Variants in GRM7 observed in about 807,000 individuals in gnomAD.
GRM7 encodes glutamate metabotropic receptor 7.
In GRM7, 35 loss-of-function variants were observed where a neutral mutation model predicts 84.5. The observed-to-expected ratio is 0.41, with a 90% CI of 0.32 to 0.55. GRM7 has a LOEUF of 0.55. Ranked by LOEUF, GRM7 falls within the 20% of genes least tolerant of loss-of-function variation. The pLI is 0.19. For synonymous variants in GRM7, 487 were observed against 455.1 expected (o/e 1.07, Z -0.89); for missense variants, 1,003 against 1,194.6 (o/e 0.84, Z 2.36).
rs1273780642 is a variant in GRM7, at chr3:7,486,725, T to C, written c.1515+25003T>C. ...AATGATGAGACAAATAAGGCTGTTTTTTAAAATAATTTATGCAGCCTCAGG... is the reference window on the plus strand; with the variant it reads ...AATGATGAGACAAATAAGGCTGTTTCTTAAAATAATTTATGCAGCCTCAGG... On this transcript the variant is annotated intron_variant, in intron 7 of 9. Coordinates refer to ENST00000357716, the MANE Select transcript of GRM7 (RefSeq NM_000844.4). This position sits in a 1 kb window ranked among gnomAD's most constrained non-coding sequence, Gnocchi z 5.5. Among the ~76,000 whole-genome samples, 1 of 152,172 alleles carries C rather than the reference T, an allele frequency of 6.6e-6. No individual in the cohort carries two copies. Among genetic ancestry groups the C allele is most frequent in the East Asian group, 1.9e-4 (1 of 5,196 alleles).
intron 2 of GRM7, among the ~76,000 whole-genome samples, chr3:7,291,074 T>G (rs1371433344): frequency 6.6e-6 from 1 of 152,024 alleles, no homozygotes; most frequent in Non-Finnish European, 1.5e-5. Flanking sequence ...AGCCACACCC[T>G]CTTCCCAGCA....
intron 4 of GRM7, among the ~76,000 whole-genome samples, chr3:7,378,969 GC>G (rs750241412): frequency 1.1e-4 from 17 of 152,246 alleles, no homozygotes; most frequent in Non-Finnish European, 2.4e-4. Context: ...ACACTATCCA[GC>G]CCATTATCAA....
intron 8 of GRM7, chr3:7,607,573 A>G (rs1008984798): frequency 2.0e-5 from 3 of 152,100 alleles, no homozygotes; most frequent in Non-Finnish European, 2.9e-5. Context: ...CCCTAAGTCT[A>G]GGCTCAACCA....
intron 1 of GRM7, among the ~76,000 whole-genome samples, chr3:6,970,637 T>A (rs1360013292): frequency 6.6e-6 from 1 of 151,992 alleles, no homozygotes; most frequent in African/African-American, 2.4e-5. Context: ...CTTGACTGTA[T>A]GAGAGGGAAA....
At chr3:7,232,643 C>T (rs1697230744) in intron 2 of GRM7, among the ~76,000 whole-genome samples, 1 of 152,162 alleles carries the variant, frequency 6.6e-6, no homozygotes, top group Non-Finnish European at 1.5e-5. Context: ...GGCTTTTTCA[C>T]ATTTTGGGAC....
intron 1 of GRM7, among the ~76,000 whole-genome samples, chr3:6,921,488 A>C (rs1418162467): frequency 1.3e-5 from 2 of 152,134 alleles, no homozygotes; most frequent in Non-Finnish European, 2.9e-5. Context: ...TAGAATTTCA[A>C]AGAGCTTACA....
At chr3:7,277,121 G>A (rs866501658) in intron 2 of GRM7, among the ~76,000 whole-genome samples, 22 of 152,036 alleles carry the variant, frequency 1.4e-4, no homozygotes, top group African/African-American at 5.1e-4. Flanking sequence ...TTGGAGATAC[G>A]TGGGAACTCA....
chr3:6,972,062 C>T (rs1042702381), intron 1 of GRM7, among the ~76,000 whole-genome samples: 2 of 152,044 alleles, frequency 1.3e-5, no homozygotes, highest in African/African-American at 4.8e-5. Context: ...TTATTATTTT[C>T]TCTGTTTTGC....
intron 7 of GRM7, among the ~76,000 whole-genome samples, chr3:7,491,870 G>A (rs563473196): frequency 6.6e-6 from 1 of 152,278 alleles, no homozygotes; most frequent in African/African-American, 2.4e-5. Context: ...CACAGATTCT[G>A]CTACATATAT....
chr3:7,616,742 C>A (rs1456434188), intron 8 of GRM7, among the ~76,000 whole-genome samples: 1 of 151,892 alleles, frequency 6.6e-6, no homozygotes, highest in Non-Finnish European at 1.5e-5. Context: ...AATGGAAAAT[C>A]CTAAAATTAC....
At chr3:7,057,566 T>C (rs370327751) in intron 1 of GRM7, among the ~76,000 whole-genome samples, 1 of 152,088 alleles carries the variant, frequency 6.6e-6, no homozygotes, top group East Asian at 1.9e-4. Context: ...AAAATTGAAT[T>C]GTGGCAAATC....
At chr3:7,153,521 T>A (rs890023330) in intron 2 of GRM7, among the ~76,000 whole-genome samples, 7 of 152,160 alleles carry the variant, frequency 4.6e-5, no homozygotes, top group African/African-American at 1.7e-4. Flanking sequence ...GTTTAATAAA[T>A]GCATGTTGAA....
At chr3:7,280,226 C>A (rs569532498) in intron 2 of GRM7, among the ~76,000 whole-genome samples, 2 of 152,274 alleles carry the variant, frequency 1.3e-5, no homozygotes, top group South Asian at 4.1e-4. Flanking sequence ...TAAAAGGTAG[C>A]ATGTTGAGCT....
At chr3:7,506,904 G>T (rs201109032) in intron 7 of GRM7, among the ~76,000 whole-genome samples, 1 of 152,008 alleles carries the variant, frequency 6.6e-6, no homozygotes, top group African/African-American at 2.4e-5. Context: ...AGCTTTTGGG[G>T]GAAACATTCA....
intron 4 of GRM7, among the ~76,000 whole-genome samples, chr3:7,346,869 G>A (rs990437327): frequency 6.6e-6 from 1 of 152,056 alleles, no homozygotes; most frequent in Admixed American, 6.6e-5. Context: ...AATACCATAA[G>A]TCTTACCACA....
chr3:6,865,660 CT>C lies in GRM7; in HGVS notation c.519+3756del, dbSNP rs1694914069. On this transcript the variant is annotated intron_variant, in intron 1 of 9. Coordinates refer to ENST00000357716, the MANE Select transcript of GRM7 (RefSeq NM_000844.4). ...TGGACCTTGTATCATAAATGAAATG[CT>C]TTAGTAAATGTGTCAATGTTTTCCT... Among the ~76,000 whole-genome samples the C allele has an allele frequency of 2.0e-5, 3 of 151,768 alleles. No individual in the cohort carries two copies. The South Asian group carries it at 6.2e-4, about 31-fold the overall frequency.
chr3:7,621,172 G>A (rs1158729287), intron 8 of GRM7, among the ~76,000 whole-genome samples: 1 of 152,072 alleles, frequency 6.6e-6, no homozygotes, highest in East Asian at 1.9e-4. Flanking sequence ...TCAGTGAAAT[G>A]GCAGAATCCT....
intron 9 of GRM7, among the ~76,000 whole-genome samples, chr3:7,732,490 C>A (rs1425533519): frequency 3.3e-5 from 5 of 151,968 alleles, no homozygotes; most frequent in Non-Finnish European, 7.4e-5. Context: ...GAGCAAGTGA[C>A]TAGAAACTAA....
chr3:7,012,065 A>G (rs1174432446), intron 1 of GRM7, among the ~76,000 whole-genome samples: 1 of 152,096 alleles, frequency 6.6e-6, no homozygotes, highest in African/African-American at 2.4e-5. Flanking sequence ...CTTGGGCTCC[A>G]TTTTCTTTCC....
Sources: gnomAD v4.1 joint callset for allele counts (sites outside exome capture counted in the v4.1 genomes callset) on GRCh38, gnomAD v4.1.1 for gene constraint, Gnocchi (gnomAD v3.1) non-coding constraint, MANE v1.5 for transcripts, NCBI Gene and HGNC (gene_info 2026-07-23, HGNC 2026-07-21) for gene names.